MRAP2: variants seen among roughly 807,000 people sequenced by gnomAD.
MRAP2 encodes melanocortin 2 receptor accessory protein 2.
Under a neutral mutation model 17.4 loss-of-function variants are expected in MRAP2, and 20 were observed. That is an observed-to-expected ratio of 1.15 (90% CI 0.81 to 1.67). The LOEUF is 1.67. MRAP2 is among the 40% of genes most tolerant of loss of function. The pLI, the probability that MRAP2 is intolerant of heterozygous loss-of-function variation, is 0.00. For missense variants in MRAP2, 238 were observed against 240.0 expected (o/e 0.99, Z 0.05); for synonymous variants, 96 against 88.4 (o/e 1.09, Z -0.48).
In MRAP2 at chr6:84,067,831, G is replaced by A. The variant is rs147251729; in HGVS notation, c.227+4839G>A. ...TGGATTGTGAAGATTTTCTCCCACT[G>A]TGTTGGTTGTCTGTTTATTCTGCTG... On this transcript the variant is annotated intron_variant, in intron 3 of 3. Transcript: ENST00000257776. Among the ~76,000 whole-genome samples the A allele has an allele frequency of 6.0e-3, 889 of 148,876 alleles. 4 individuals are homozygous for A. Among genetic ancestry groups the A allele is most frequent in the African/African-American group, 0.021 (857 of 40,466 alleles).
At chr6:84,040,275 C>T (rs1365191971) in intron 1 of MRAP2, among the ~76,000 whole-genome samples, 2 of 152,206 alleles carry the variant, frequency 1.3e-5, no homozygotes, top group Non-Finnish European at 2.9e-5. Flanking sequence ...TGAGGCCTCC[C>T]TAGCCCTGCG....
At chr6:84,075,820 G>T (rs111886436) in intron 3 of MRAP2, among the ~76,000 whole-genome samples, 4 of 152,118 alleles carry the variant, frequency 2.6e-5, no homozygotes, top group Non-Finnish European at 5.9e-5. Context: ...ATCTTGAATA[G>T]CAATTTACCT....
the MRAP2 span, among the ~76,000 whole-genome samples, chr6:84,141,407 CA>C: frequency 6.6e-6 from 1 of 152,154 alleles, no homozygotes; most frequent in South Asian, 2.1e-4. Flanking sequence ...CCAACGTTAA[CA>C]TCTACATCTG....
At position 84,089,419 on chromosome 6, in the gene MRAP2, G is replaced by C. The variant is rs141993133; in HGVS notation, c.556G>C (p.Glu186Gln). The change falls in exon 4 of 4, where the codon GAA (glutamate) becomes CAA (glutamine). Residue 186 changes from glutamate to glutamine, a missense_variant. Coordinates refer to ENST00000257776, the MANE Select transcript of MRAP2 (RefSeq NM_138409.4). Reference sequence around the variant, plus strand: ...TGGGGAGGATGATCTTCTGATTTCTGAACCACCTATTGTTCTGGAAACTAA... The same window carrying C: ...TGGGGAGGATGATCTTCTGATTTCTCAACCACCTATTGTTCTGGAAACTAA... ...YFGEDDLLIS[E>Q]PPIVLETKPL... 11 of 1,613,918 alleles carry C rather than the reference G, an allele frequency of 6.8e-6. No individual in the cohort carries two copies. The highest frequency in any genetic ancestry group is 1.7e-5 in the Admixed American group (1 of 60,000).
At chr6:84,035,174 C>T (rs749594364) in intron 1 of MRAP2, among the ~76,000 whole-genome samples, 3 of 152,186 alleles carry the variant, frequency 2.0e-5, no homozygotes, top group East Asian at 1.9e-4. Context: ...AAGAGGGTCT[C>T]GAAGCCCGAA....
chr6:84,063,375 A>C, intron 3 of MRAP2: 1 of 985,406 alleles, frequency 1.0e-6, no homozygotes, highest in Non-Finnish European at 1.2e-6. Flanking sequence ...TAGGATGAAA[A>C]CCAGTTTTAA....
chr6:84,064,935 G>A (rs2099494251), intron 3 of MRAP2, among the ~76,000 whole-genome samples: 1 of 152,160 alleles, frequency 6.6e-6, no homozygotes, highest in Admixed American at 6.5e-5. Flanking sequence ...CTGTGCAAAG[G>A]GAACAGTTCT....
intron 3 of MRAP2, among the ~76,000 whole-genome samples, chr6:84,083,262 T>C (rs1199172419): frequency 6.6e-6 from 1 of 152,236 alleles, no homozygotes; most frequent in African/African-American, 2.4e-5. Context: ...ACAGCCACCA[T>C]GCCTGGCCTG....
intron 1 of MRAP2, among the ~76,000 whole-genome samples, chr6:84,041,808 T>G (rs2129158533): frequency 1.3e-5 from 2 of 152,372 alleles, no homozygotes; most frequent in East Asian, 3.9e-4. Context: ...ACTAACTTGT[T>G]TTTTATTTTA....
At chr6:84,128,535 T>C in the MRAP2 span, among the ~76,000 whole-genome samples, 10 of 152,144 alleles carry the variant, frequency 6.6e-5, no homozygotes, top group African/African-American at 2.2e-4. Context: ...TTCTATATGG[T>C]GGTCGGTAAG....
rs564439108 is a variant in MRAP2, at chr6:84,064,118, C to T, written c.227+1126C>T. Among the ~76,000 whole-genome samples the T allele has an allele frequency of 1.5e-4, 22 of 151,522 alleles. No individual in the cohort carries two copies. In the East Asian group the frequency reaches 1.6e-3, roughly 11 times the overall value. On this transcript the variant is annotated intron_variant, in intron 3 of 3. Transcript: ENST00000257776. ...TTATGGACAGGGAAGAGGGCAACTACGCAGGCTCATGCAGGACAGCAGGGC... is the reference window on the plus strand; with the variant it reads ...TTATGGACAGGGAAGAGGGCAACTATGCAGGCTCATGCAGGACAGCAGGGC...
chr6:84,074,171 A>G (rs541502005), intron 3 of MRAP2, among the ~76,000 whole-genome samples: 1 of 152,298 alleles, frequency 6.6e-6, no homozygotes, highest in East Asian at 1.9e-4. Context: ...CCTAAGCGTT[A>G]TATCTACACT....
chr6:84,033,719 C>T (rs1366908817), upstream of MRAP2: 5 of 985,206 alleles, frequency 5.1e-6, no homozygotes, highest in South Asian at 1.9e-4. Flanking sequence ...CCCGCGCCGC[C>T]TCCGCTGCGG....
the MRAP2 span, among the ~76,000 whole-genome samples, chr6:84,113,631 T>C: frequency 6.6e-6 from 1 of 151,776 alleles, no homozygotes; most frequent in Non-Finnish European, 1.5e-5. Context: ...GTCATTATGA[T>C]CCTAGCTGGT....
At chr6:84,054,998 C>T (rs1682357400) in intron 1 of MRAP2, among the ~76,000 whole-genome samples, 1 of 152,226 alleles carries the variant, frequency 6.6e-6, no homozygotes, top group East Asian at 1.9e-4. Flanking sequence ...TTGACATACT[C>T]TTTCCCTCCT....
chr6:84,106,794 A>C, the MRAP2 span, among the ~76,000 whole-genome samples: 1 of 152,056 alleles, frequency 6.6e-6, no homozygotes, highest in Admixed American at 6.6e-5. Context: ...TACCATTTCC[A>C]TTTGATGATG....
At chr6:84,073,502 G>T (rs796142572) in intron 3 of MRAP2, among the ~76,000 whole-genome samples, 5 of 152,300 alleles carry the variant, frequency 3.3e-5, no homozygotes, top group African/African-American at 1.2e-4. Context: ...TGGGATTGCT[G>T]GTTTGTTCTT....
At chr6:84,124,248 G>T in the MRAP2 span, 1 of 151,980 alleles carries the variant, frequency 6.6e-6, no homozygotes, top group African/African-American at 2.4e-5. Flanking sequence ...ATATAAAAAA[G>T]ATATCTGTAC....
the MRAP2 span, among the ~76,000 whole-genome samples, chr6:84,132,671 C>T: frequency 2.6e-5 from 4 of 152,142 alleles, no homozygotes; most frequent in Non-Finnish European, 4.4e-5. Flanking sequence ...ACATAGTTCT[C>T]GTGCCATGGT....
Sources: gnomAD v4.1 joint callset for allele counts (sites outside exome capture counted in the v4.1 genomes callset) on GRCh38, gnomAD v4.1.1 for gene constraint, MANE v1.5 for transcripts, NCBI Gene and HGNC (gene_info 2026-07-23, HGNC 2026-07-21) for gene names.